NUP58: variants seen among roughly 807,000 people sequenced by gnomAD.
The protein encoded by NUP58 is nucleoporin 58.
A neutral mutation model predicts 70.1 loss-of-function variants in NUP58; 17 were observed. The observed-to-expected ratio is 0.24, with a 90% confidence interval of 0.17 to 0.36. The LOEUF (loss-of-function observed/expected upper bound fraction) is 0.36, where lower values mean the gene tolerates loss of function less well. Among genes scored for constraint, NUP58 ranks in the 10% least tolerant of loss-of-function variants. The pLI is 1.00. For synonymous variants in NUP58, 275 were observed against 257.6 expected (o/e 1.07, Z -0.65); for missense variants, 644 against 701.5 (o/e 0.92, Z 0.93).
At chr13:25,324,532 A>G (rs2031316225) in intron 9 of NUP58, among the ~76,000 whole-genome samples, 1 of 152,202 alleles carries the variant, frequency 6.6e-6, no homozygotes, top group African/African-American at 2.4e-5. Flanking sequence ...AACATTCCCT[A>G]CATTGTAATG....
Position 25,311,138 on chromosome 13 carries a change from G to T in NUP58, c.287-1745G>T, listed in dbSNP as rs921729009. Among the ~76,000 whole-genome samples, 3 of 152,188 alleles carry T rather than the reference G, an allele frequency of 2.0e-5. No individual in the cohort carries two copies. The South Asian group carries it at 6.2e-4, about 32-fold the overall frequency. On this transcript the variant is annotated intron_variant, in intron 3 of 15. Coordinates refer to ENST00000381736, the MANE Select transcript of NUP58 (RefSeq NM_014089.4). ...AGAGAGAGGAGTGGCAAGTGCAAAG[G>T]CCCAGTCATAAAAGCGTTCTGGGAA...
At position 25,337,046 on chromosome 13, in the gene NUP58, C is replaced by G; in HGVS notation, c.1534+12C>G. The G allele has an allele frequency of 1.9e-6, 3 of 1,556,090 alleles. No individual in the cohort carries two copies. Among genetic ancestry groups the G allele is most frequent in the Non-Finnish European group, 2.6e-6 (3 of 1,144,584 alleles). ...TTCAAACCTTGGAGGTACACTTTAA[C>G]TTTTCTAATATTTCATTGAACTATT... is the stretch of plus-strand genomic sequence containing the variant. On this transcript the variant is annotated intron_variant, in intron 14 of 15. Transcript: ENST00000381736.
chr13:25,303,444 CT>C (rs66496714), intron 1 of NUP58, among the ~76,000 whole-genome samples: 120 of 146,528 alleles, frequency 8.2e-4, no homozygotes, highest in African/African-American at 6.7e-4. Flanking sequence ...TTTTCTATTT[CT>C]TTTTTTTTTT....
At chr13:25,334,465 G>A in intron 13 of NUP58, 1 of 985,174 alleles carries the variant, frequency 1.0e-6, no homozygotes, top group African/African-American at 1.7e-5. Context: ...GACATTTAAG[G>A]TGTAGTGTTA....
chr13:25,349,267 GA>G (rs1324662732), intron 3 of NUP58, among the ~76,000 whole-genome samples: 1 of 152,136 alleles, frequency 6.6e-6, no homozygotes, highest in African/African-American at 2.4e-5. Context: ...AATGCAGTGG[GA>G]AAAGGGTTAC....
chr13:25,301,841 G>A lies in NUP58; in HGVS notation c.68G>A (p.Ser23Asn), dbSNP rs756196439. Reference sequence around the variant, plus strand: ...ACCACCGTGGCCGCCGGCGGGACCAGCACAGGCGGCGTTTTCTCCTTCGGA... The same window carrying A: ...ACCACCGTGGCCGCCGGCGGGACCAACACAGGCGGCGTTTTCTCCTTCGGA... ...GSTTVAAGGTSTGGVFSFGTG... is the reference protein window; with the variant it reads ...GSTTVAAGGTNTGGVFSFGTG... The change falls in exon 1 of 16, where the codon AGC (serine) becomes AAC (asparagine). Residue 23 changes from serine to asparagine, a missense_variant. By Grantham distance (46) the Ser-to-Asn change is conservative. Around this residue, in one of 4 missense-constraint regions of NUP58, gnomAD observed 430 missense variants for 409.2 expected, o/e 1.05. Transcript: ENST00000381736. 2.5e-6 allele frequency: 4 copies of A among 1,613,260 alleles called. No homozygotes were observed. In the African/African-American group the frequency reaches 4.0e-5, roughly 16 times the overall value.
chr13:25,317,538 A>G (rs1048626999), intron 6 of NUP58, among the ~76,000 whole-genome samples: 1 of 152,130 alleles, frequency 6.6e-6, no homozygotes, highest in African/African-American at 2.4e-5. Context: ...AGTTTTTTTT[A>G]TATACATGTT....
intron 6 of NUP58, among the ~76,000 whole-genome samples, chr13:25,315,984 G>A (rs1422692130): frequency 6.6e-6 from 1 of 152,060 alleles, no homozygotes; most frequent in African/African-American, 2.4e-5. Context: ...TGGTTTGAGG[G>A]TTACTATTTG....
chr13:25,340,235 TA>T lies in NUP58; in HGVS notation c.*104del. Reference sequence around the variant, plus strand: ...ATTAAATTGCATCCCAGGAGATTTATAAAGTTTTGATATTTTTCCCTACTCT... The same window carrying T: ...ATTAAATTGCATCCCAGGAGATTTATAAGTTTTGATATTTTTCCCTACTCT... On this transcript the variant is annotated 3_prime_UTR_variant, in exon 16 of 16. Transcript: ENST00000381736. 8.7e-7 allele frequency: 1 copy of T among 1,151,796 alleles called. No homozygotes were observed. Among genetic ancestry groups the T allele is most frequent in the Non-Finnish European group, 1.2e-6 (1 of 861,408 alleles). 71.3% of individuals were successfully genotyped at this position (1,151,796 alleles called of 1,614,324 possible). A position where few individuals can be genotyped will look rare whatever the true frequency, so the allele number is the denominator to read the frequency against.
At position 25,301,807 on chromosome 13, in the gene NUP58, C is replaced by T. The variant is rs1224327970; in HGVS notation, c.34C>T (p.Leu12=). 6.2e-7 allele frequency: 1 copy of T among 1,613,514 alleles called. No homozygotes were observed. The highest frequency in any genetic ancestry group is 1.3e-5 in the African/African-American group (1 of 74,928). ...STGFSFGSGT[L]GSTTVAAGGT... is the part of the protein sequence containing the mutation. ...AGGGTTCTCCTTCGGGTCCGGGACT[C>T]TGGGCTCCACCACCGTGGCCGCCGG... is the stretch of plus-strand genomic sequence containing the variant. The change falls in exon 1 of 16, where the codon CTG becomes TTG. Residue 12 remains leucine (L), a synonymous_variant. Coordinates refer to ENST00000381736, the MANE Select transcript of NUP58 (RefSeq NM_014089.4).
At chr13:25,304,439 A>G (rs1165482750) in intron 1 of NUP58, among the ~76,000 whole-genome samples, 1 of 141,906 alleles carries the variant, frequency 7.0e-6, no homozygotes, top group Non-Finnish European at 1.5e-5. Context: ...AACTTTCATT[A>G]TGTAATACTT....
chr13:25,302,807 C>T, intron 1 of NUP58: 1 of 376,578 alleles, frequency 2.7e-6, no homozygotes, highest in South Asian at 2.0e-5. Context: ...GAACCACGGA[C>T]TACACAGTCA....
intron 11 of NUP58, 39 bp from the exon 12 acceptor site, chr13:25,327,391 A>G (rs2137799182): frequency 7.8e-7 from 1 of 1,277,548 alleles, no homozygotes; most frequent in African/African-American, 1.5e-5. Context: ...TGCTATATAT[A>G]TGTATATATT....
rs1015817393 is a variant in NUP58, at chr13:25,332,522, A to G, written c.1435+964A>G. ...TGAGAGTTCCATATAGTCCAGTAGT[A>G]CATTATAATACACACAAAAAAATTA... On this transcript the variant is annotated intron_variant, in intron 13 of 15. Transcript: ENST00000381736. The G allele has an allele frequency of 9.6e-6, 9 of 942,162 alleles. No individual in the cohort carries two copies. In the African/African-American group the frequency reaches 1.3e-4, roughly 13 times the overall value. The allele number at this position is 942,162 out of a possible 1,614,324, so 58.4% of individuals were successfully genotyped here.
At chr13:25,343,022 AT>A (rs572233252), downstream of NUP58, among the ~76,000 whole-genome samples, 189 of 151,950 alleles carry the variant, frequency 1.2e-3, no homozygotes, top group Non-Finnish European at 2.3e-3. Flanking sequence ...ATTTTTTAAA[AT>A]TTTTTTTATT....
chr13:25,334,745 T>A (rs1468964173), intron 13 of NUP58: 2 of 983,472 alleles, frequency 2.0e-6, no homozygotes, highest in Middle Eastern at 5.2e-4. Flanking sequence ...AGTTTTACTT[T>A]TAAGAAAGTA....
chr13:25,304,476 GATTATATATATATAT>G (rs1386020919), intron 1 of NUP58, among the ~76,000 whole-genome samples: 95 of 81,564 alleles, frequency 1.2e-3, no homozygotes, highest in Non-Finnish European at 1.8e-3. Context: ...ATGTTGTCAA[GATTATATATATATAT>G]ATATATATAT....
At chr13:25,334,989 A>G (rs929778097) in intron 13 of NUP58, 37 of 985,152 alleles carry the variant, frequency 3.8e-5, no homozygotes, top group Non-Finnish European at 4.2e-5. Context: ...TTTTGCCTGA[A>G]GGATTTAGAC....
intron 6 of NUP58, 44 bp downstream of exon 6, chr13:25,315,511 A>C (rs368979663): frequency 3.6e-6 from 5 of 1,392,444 alleles, no homozygotes; most frequent in Non-Finnish European, 5.1e-6. Context: ...AGTTCTGTTG[A>C]GGGAATGTCT....
Sources: allele counts gnomAD v4.1 joint callset (sites outside exome capture counted in the v4.1 genomes callset), GRCh38; gene constraint gnomAD v4.1.1; regional missense constraint gnomAD v4.1.1; transcripts MANE v1.5; gene names NCBI Gene and HGNC (gene_info 2026-07-23, HGNC 2026-07-21).